FHIT: variants seen among roughly 807,000 people sequenced by gnomAD.
The protein encoded by FHIT is bis(5'-adenosyl)-triphosphatase.
Under a neutral mutation model 17.9 loss-of-function variants are expected in FHIT, and 19 were observed. The observed-to-expected ratio is 1.06, with a 90% confidence interval of 0.74 to 1.56. The LOEUF is 1.56. FHIT is among the 40% of genes most tolerant of loss of function. The pLI is 0.00. For synonymous variants in FHIT, 81 were observed against 69.7 expected (o/e 1.16, Z -0.81); for missense variants, 248 against 189.2 (o/e 1.31, Z -1.82).
rs1038163114 is a variant in FHIT at position 60,253,503 on chromosome 3, T to A, written c.104-239351A>T. Among the ~76,000 whole-genome samples the A allele has an allele frequency of 5.3e-5, 8 of 152,170 alleles. No individual in the cohort carries two copies. In the East Asian group the frequency reaches 1.5e-3, roughly 29 times the overall value. Reference sequence around the variant, plus strand: ...TCAAATGTCTATAGATAGTCAAAATTGCAAATGGCATGGAAAAAACATAAG... The same window carrying A: ...TCAAATGTCTATAGATAGTCAAAATAGCAAATGGCATGGAAAAAACATAAG... On this transcript the variant is annotated intron_variant, in intron 5 of 9. Transcript: ENST00000492590.
intron 3 of FHIT, among the ~76,000 whole-genome samples, chr3:60,942,203 A>T (rs1382084189): frequency 6.6e-6 from 1 of 152,144 alleles, no homozygotes; most frequent in African/African-American, 2.4e-5. Context: ...AGGCTGAAGT[A>T]GTTATTTTTT....
At chr3:59,831,456 T>C (rs1419400997) in intron 8 of FHIT, among the ~76,000 whole-genome samples, 1 of 152,110 alleles carries the variant, frequency 6.6e-6, no homozygotes, top group Admixed American at 6.5e-5. Context: ...AGAAGCTTGA[T>C]CAAAGAAGTA....
intron 5 of FHIT, among the ~76,000 whole-genome samples, chr3:60,403,862 A>C (rs961600706): frequency 3.9e-5 from 6 of 152,198 alleles, no homozygotes; most frequent in African/African-American, 1.2e-4. Flanking sequence ...AATTATGATC[A>C]AATAAATTTG....
intron 5 of FHIT, among the ~76,000 whole-genome samples, chr3:60,035,259 A>G (rs2106804549): frequency 6.6e-6 from 1 of 152,238 alleles, no homozygotes; most frequent in South Asian, 2.1e-4. Flanking sequence ...CCATGCAGCA[A>G]AAAGATCGCT....
intron 5 of FHIT, among the ~76,000 whole-genome samples, chr3:60,430,700 G>C (rs1702854532): frequency 6.6e-6 from 1 of 151,948 alleles, no homozygotes; most frequent in Non-Finnish European, 1.5e-5. Flanking sequence ...ATCAAGTTTA[G>C]ATAACAGTCA....
chr3:59,860,779 A>C (rs1256205227), intron 8 of FHIT, among the ~76,000 whole-genome samples: 1 of 152,186 alleles, frequency 6.6e-6, no homozygotes, highest in Admixed American at 6.5e-5. Context: ...AGGTGTGAGG[A>C]AACTTCAGAA....
At chr3:60,979,893 T>C (rs1559883666) in intron 3 of FHIT, among the ~76,000 whole-genome samples, 1 of 152,358 alleles carries the variant, frequency 6.6e-6, no homozygotes, top group Non-Finnish European at 1.5e-5. Flanking sequence ...ATCTGTCTTA[T>C]TAGATTGAGC....
intron 7 of FHIT, among the ~76,000 whole-genome samples, chr3:59,950,472 T>G (rs560675981): frequency 2.6e-5 from 4 of 152,318 alleles, no homozygotes; most frequent in Admixed American, 1.3e-4. Context: ...GATCCTCCAA[T>G]TGAAACTATC....
At chr3:60,819,589 A>G (rs782427887) in intron 4 of FHIT, among the ~76,000 whole-genome samples, 1 of 152,134 alleles carries the variant, frequency 6.6e-6, no homozygotes, top group African/African-American at 2.4e-5. Flanking sequence ...TAATTGCACA[A>G]TTCCTTCTAA....
At chr3:60,911,546 G>T (rs9825016) in intron 3 of FHIT, among the ~76,000 whole-genome samples, 2,549 of 152,206 alleles carry the variant, frequency 0.017, 60 homozygotes, top group African/African-American at 0.056. Flanking sequence ...ATCATTCATG[G>T]TATGGGTTCC....
intron 3 of FHIT, among the ~76,000 whole-genome samples, chr3:61,038,180 T>C (rs1007020629): frequency 6.6e-6 from 1 of 152,260 alleles, no homozygotes; most frequent in Non-Finnish European, 1.5e-5. Flanking sequence ...AAACCAATGA[T>C]GAATCTCAGC....
chr3:60,722,645 A>C (rs1330314409), intron 4 of FHIT, among the ~76,000 whole-genome samples: 2 of 151,470 alleles, frequency 1.3e-5, no homozygotes, highest in Non-Finnish European at 2.9e-5. Context: ...AAATGTCTTC[A>C]GACATGGCCG....
intron 3 of FHIT, among the ~76,000 whole-genome samples, chr3:61,002,764 G>T (rs2031183385): frequency 6.6e-6 from 1 of 151,998 alleles, no homozygotes; most frequent in South Asian, 2.1e-4. Flanking sequence ...TTTGCAATGT[G>T]CCAGCATCTG....
chr3:59,822,558 G>A (rs1029543660), intron 8 of FHIT, among the ~76,000 whole-genome samples: 3 of 151,822 alleles, frequency 2.0e-5, no homozygotes, highest in East Asian at 1.9e-4. Flanking sequence ...TAGTGATATC[G>A]AGCATTTTTT....
At chr3:60,789,529 A>AAAC (rs1700707212) in intron 4 of FHIT, among the ~76,000 whole-genome samples, 1 of 152,100 alleles carries the variant, frequency 6.6e-6, no homozygotes, top group African/African-American at 2.4e-5. Flanking sequence ...ACAAACAAAC[A>AAAC]AACAAAATAC....
At chr3:59,879,329 A>C (rs1028166834) in intron 8 of FHIT, among the ~76,000 whole-genome samples, 1 of 152,250 alleles carries the variant, frequency 6.6e-6, no homozygotes, top group Non-Finnish European at 1.5e-5. Flanking sequence ...ACATGAGGAT[A>C]CATTGATATT....
At position 60,173,915 on chromosome 3, in the gene FHIT, A is replaced by ATATATATATATATATTTTTTTT; in HGVS notation, c.104-159764_104-159763insAAAAAAAATATATATATATATA. Among the ~76,000 whole-genome samples, 53 of 66,386 alleles carry ATATATATATATATATTTTTTTT rather than the reference A, an allele frequency of 8.0e-4. 3 individuals carry two copies. Among genetic ancestry groups the ATATATATATATATATTTTTTTT allele is most frequent in the Middle Eastern group, 8.3e-3 (1 of 120 alleles). 43.6% of individuals were successfully genotyped at this position (66,386 alleles called of 152,430 possible). On this transcript the variant is annotated intron_variant, in intron 5 of 9. Transcript: ENST00000492590. ...TATATATATATATATATATATATAT[A>ATATATATATATATATTTTTTTT]TGTTTTTTTTTTTTTTTGAGATCGA...
At chr3:59,950,345 C>T (rs1707051125) in intron 7 of FHIT, among the ~76,000 whole-genome samples, 1 of 152,098 alleles carries the variant, frequency 6.6e-6, no homozygotes, top group South Asian at 2.1e-4. Context: ...ATCACCTGTC[C>T]TTCCTCTCCC....
chr3:60,035,040 G>C (rs1701156663), intron 5 of FHIT, among the ~76,000 whole-genome samples: 1 of 152,022 alleles, frequency 6.6e-6, no homozygotes, highest in African/African-American at 2.4e-5. Flanking sequence ...TCATGCTCTG[G>C]ATAAAAAGAT....
Sources: allele counts gnomAD v4.1 joint callset (sites outside exome capture counted in the v4.1 genomes callset), GRCh38; gene constraint gnomAD v4.1.1; transcripts MANE v1.5; gene names NCBI Gene and HGNC (gene_info 2026-07-23, HGNC 2026-07-21).